ABI3BP: variants seen among roughly 807,000 people sequenced by gnomAD.
ABI3BP encodes target of Nesh-SH3.
ABI3BP carries 216 observed loss-of-function variants against 268.6 expected under a neutral mutation model. The ratio of observed to expected loss-of-function variants is 0.80; its 90% CI spans 0.72 to 0.90. The LOEUF is 0.90. ABI3BP is among the 40% of genes least tolerant of loss of function. ABI3BP has a pLI of 0.00. For synonymous variants in ABI3BP, 730 were observed against 730.0 expected, an observed-to-expected ratio of 1.00 and a Z score of 0.00; for missense variants, 2,090 against 2,182.4, an observed-to-expected ratio of 0.96 and a Z score of 0.84.
intron 27 of ABI3BP, among the ~76,000 whole-genome samples, chr3:100,836,092 T>G (rs2098582207): frequency 6.6e-6 from 1 of 152,182 alleles, no homozygotes; most frequent in Non-Finnish European, 1.5e-5. Context: ...TACTGGAGAT[T>G]TGTGAGAGTT....
chr3:100,788,909 C>CAA (rs999188786), intron 56 of ABI3BP, among the ~76,000 whole-genome samples: 1 of 152,072 alleles, frequency 6.6e-6, no homozygotes, highest in Non-Finnish European at 1.5e-5. Context: ...TCAACCCCTG[C>CAA]AAGTTAACTT....
At chr3:100,856,800 G>A (rs2098944933) in intron 14 of ABI3BP, among the ~76,000 whole-genome samples, 1 of 152,110 alleles carries the variant, frequency 6.6e-6, no homozygotes, top group African/African-American at 2.4e-5. Context: ...TAAGTCTTTA[G>A]AAGTCGTGCA....
At chr3:100,986,652 A>G (rs930906349) in intron 1 of ABI3BP, among the ~76,000 whole-genome samples, 4 of 151,996 alleles carry the variant, frequency 2.6e-5, no homozygotes, top group Non-Finnish European at 4.4e-5. Flanking sequence ...TTTTTAGTGG[A>G]GATGGGGTTT....
chr3:100,898,036 A>C (rs918694423), intron 4 of ABI3BP, among the ~76,000 whole-genome samples: 1 of 152,244 alleles, frequency 6.6e-6, no homozygotes, highest in Admixed American at 6.5e-5. Context: ...TATCCATCCA[A>C]TGCATCTAAA....
intron 49 of ABI3BP, among the ~76,000 whole-genome samples, chr3:100,808,915 A>G (rs2097779501): frequency 6.6e-6 from 1 of 152,056 alleles, no homozygotes; most frequent in Admixed American, 6.6e-5. Flanking sequence ...CAGCTTATGG[A>G]AACACCTCAT....
At chr3:100,907,837 C>G (rs1010240672) in intron 2 of ABI3BP, among the ~76,000 whole-genome samples, 3 of 151,992 alleles carry the variant, frequency 2.0e-5, no homozygotes, top group Admixed American at 2.0e-4. Flanking sequence ...AAGAAAAGGC[C>G]GGGAGTGGTA....
At chr3:100,929,833 T>G (rs141650543) in intron 1 of ABI3BP, among the ~76,000 whole-genome samples, 25 of 152,148 alleles carry the variant, frequency 1.6e-4, no homozygotes, top group African/African-American at 6.0e-4. Context: ...CTTACTCAGT[T>G]ATTACCAAAT....
chr3:100,802,508 G>A (rs2097561133), intron 51 of ABI3BP, among the ~76,000 whole-genome samples: 1 of 152,180 alleles, frequency 6.6e-6, no homozygotes, highest in Non-Finnish European at 1.5e-5. Context: ...TGTGGACATG[G>A]AGTGTGGGCC....
intron 1 of ABI3BP, among the ~76,000 whole-genome samples, chr3:100,937,483 C>T (rs964980755): frequency 2.0e-5 from 3 of 151,960 alleles, no homozygotes; most frequent in African/African-American, 7.2e-5. Context: ...AGCAATAAAA[C>T]AGAACAAATT....
chr3:100,773,135 A>G (rs1195014708), intron 61 of ABI3BP, among the ~76,000 whole-genome samples: 2 of 152,000 alleles, frequency 1.3e-5, no homozygotes, highest in Admixed American at 6.6e-5. Context: ...CTCCATACCT[A>G]TTAAAGAAAG....
chr3:100,752,592 T>C (rs991207877), intron 66 of ABI3BP, 195 bp downstream of exon 66: 4 of 518,510 alleles, frequency 7.7e-6, no homozygotes, highest in Non-Finnish European at 1.3e-5. Context: ...TTTTATTATT[T>C]ACCTTCTAAT....
intron 14 of ABI3BP, among the ~76,000 whole-genome samples, chr3:100,857,194 A>G (rs1258139892): frequency 1.3e-5 from 2 of 152,102 alleles, no homozygotes; most frequent in Non-Finnish European, 2.9e-5. Flanking sequence ...CTCATGTTTT[A>G]TTAAGTAATT....
chr3:100,792,128 T>C (rs2097212215), intron 55 of ABI3BP, among the ~76,000 whole-genome samples: 1 of 151,940 alleles, frequency 6.6e-6, no homozygotes, highest in African/African-American at 2.4e-5. Context: ...GAGCTTTGTG[T>C]AGGCGAGTTC....
chr3:100,907,622 G>C (rs766896275), intron 2 of ABI3BP, among the ~76,000 whole-genome samples: 1 of 152,050 alleles, frequency 6.6e-6, no homozygotes, highest in Non-Finnish European at 1.5e-5. Flanking sequence ...AGAGGAAAAT[G>C]TTCAAAAAAT....
Position 100,864,884 on chromosome 3 carries a change from T to G in ABI3BP, c.1012A>C (p.Ser338Arg). 1 of 1,608,060 alleles carries G rather than the reference T, an allele frequency of 6.2e-7. No homozygotes were observed. The highest frequency in any genetic ancestry group is 8.5e-7 in the Non-Finnish European group (1 of 1,178,116). Reference sequence around the variant, plus strand: ...GCACTAGACGTAGTGGGTTTAGTGCTTCTTGGAACTGTTTCAGGAGTCACT... The same window carrying G: ...GCACTAGACGTAGTGGGTTTAGTGCGTCTTGGAACTGTTTCAGGAGTCACT... The part of the protein sequence containing the change: ...TTVTPETVPR[S>R]TKPTTSSALD... The change falls in exon 11 of 68, where the codon AGC (serine) becomes CGC (arginine). Residue 338 changes from serine (S) to arginine (R), a missense_variant. By Grantham distance (110) the Ser-to-Arg change is moderately radical. Coordinates refer to ENST00000471714, the MANE Select transcript of ABI3BP (RefSeq NM_001375547.2).
chr3:100,776,158 A>G lies in ABI3BP; in HGVS notation c.4334-823T>C, dbSNP rs16842819. Reference sequence around the variant, plus strand: ...GGCAAGTCTGGGTGTTTGGAGTCGAAAGGAGACTAGATTGAATTTTATGTT... The same window carrying G: ...GGCAAGTCTGGGTGTTTGGAGTCGAGAGGAGACTAGATTGAATTTTATGTT... On this transcript the variant is annotated intron_variant, in intron 59 of 67. Transcript: ENST00000471714. Among the ~76,000 whole-genome samples the G allele has an allele frequency of 3.6e-3, 548 of 152,268 alleles. 2 individuals carry two copies. Among genetic ancestry groups the G allele is most frequent in the African/African-American group, 0.012 (512 of 41,548 alleles).
At position 100,926,438 on chromosome 3, in the gene ABI3BP, G is replaced by A. The variant is rs370174760; in HGVS notation, c.123C>T (p.Asp41=). 1.9e-6 allele frequency: 3 copies of A among 1,613,374 alleles called. No homozygotes were observed. The highest frequency in any genetic ancestry group is 2.5e-6 in the Non-Finnish European group (3 of 1,179,546). ...NLKVHINTTS[D]SILLKFLRPS... Reference sequence around the variant, plus strand: ...GACGCAAGAACTTCAAGAGGATGGAGTCACTTGTGGTATTGATGTGGACTT... The same window carrying A: ...GACGCAAGAACTTCAAGAGGATGGAATCACTTGTGGTATTGATGTGGACTT... Residue 41 remains aspartate, a synonymous_variant, in exon 2 of 68, where the codon GAC becomes GAT. Coordinates refer to ENST00000471714, the MANE Select transcript of ABI3BP (RefSeq NM_001375547.2).
chr3:100,944,006 A>G (rs192667290), intron 1 of ABI3BP, among the ~76,000 whole-genome samples: 59 of 152,240 alleles, frequency 3.9e-4, no homozygotes, highest in Admixed American at 1.4e-3. Flanking sequence ...CTAACTTCTT[A>G]GTAGTAAGCG....
intron 11 of ABI3BP, chr3:100,864,280 G>A (rs1034281050): frequency 1.8e-6 from 1 of 560,224 alleles, no homozygotes; most frequent in Non-Finnish European, 3.2e-6. Flanking sequence ...GTGTGGCTGA[G>A]AAGATCAACA....
Sources: allele counts gnomAD v4.1 joint callset (sites outside exome capture counted in the v4.1 genomes callset), GRCh38; gene constraint gnomAD v4.1.1; transcripts MANE v1.5; gene names NCBI Gene and HGNC (gene_info 2026-07-23, HGNC 2026-07-21).